Variants in PDE1A observed in about 807,000 individuals in gnomAD.
PDE1A encodes dual specificity calcium/calmodulin-dependent 3',5'-cyclic nucleotide phosphodiesterase 1A.
A neutral mutation model predicts 61.7 loss-of-function variants in PDE1A; 35 were observed. That is an observed-to-expected ratio of 0.57 (90% CI 0.43 to 0.75). PDE1A has a LOEUF of 0.75. Among genes scored for constraint, PDE1A ranks in the 30% least tolerant of loss-of-function variants. The pLI, the probability that PDE1A is intolerant of heterozygous loss-of-function variation, is 0.00. For synonymous variants in PDE1A, 232 were observed against 213.2 expected (o/e 1.09, Z -0.77); for missense variants, 597 against 630.6 (o/e 0.95, Z 0.57).
In PDE1A at chr2:182,454,450, C is replaced by T. The variant is rs544518857; in HGVS notation, c.101+67826G>A. Among the ~76,000 whole-genome samples the T allele has an allele frequency of 3.0e-3, 460 of 152,068 alleles. 2 individuals are homozygous for T. Among genetic ancestry groups the T allele is most frequent in the African/African-American group, 0.01 (429 of 41,512 alleles). On this transcript the variant is annotated intron_variant, in intron 2 of 14. Coordinates refer to the PDE1A transcript ENST00000410103. ...GTTCATATGGAACCAAAAAAGAGCC[C>T]GCATCGCCAAGTCAATCCTAAGCCA...
chr2:182,354,340 T>C (rs1156489589), intron 1 of PDE1A, among the ~76,000 whole-genome samples: 1 of 152,110 alleles, frequency 6.6e-6, no homozygotes, highest in African/African-American at 2.4e-5. Context: ...TCCGAAATAT[T>C]TGAAAGCGAG....
chr2:182,303,901 GTTTGTTTGTTTT>G (rs1279018229), intron 1 of PDE1A, among the ~76,000 whole-genome samples: 1 of 151,700 alleles, frequency 6.6e-6, no homozygotes, highest in Admixed American at 6.6e-5. Context: ...CTGTTTGTTT[GTTTGTTTGTTTT>G]TTTGTTGAGA....
chr2:182,347,854 A>T (rs904849634), intron 1 of PDE1A, among the ~76,000 whole-genome samples: 1 of 152,158 alleles, frequency 6.6e-6, no homozygotes, highest in East Asian at 1.9e-4. Context: ...TTCATGAAGG[A>T]GGAGCATAAA....
intron 1 of PDE1A, among the ~76,000 whole-genome samples, chr2:182,377,990 G>A (rs1489814301): frequency 6.6e-6 from 1 of 151,968 alleles, no homozygotes; most frequent in Non-Finnish European, 1.5e-5. Flanking sequence ...GGGACTATAG[G>A]TGCCCGCCAC....
chr2:182,389,080 G>T (rs1366408343), intron 1 of PDE1A, among the ~76,000 whole-genome samples: 9 of 152,068 alleles, frequency 5.9e-5, no homozygotes, highest in African/African-American at 9.7e-5. Context: ...ATAAACTTTA[G>T]TTCTCAAAAT....
chr2:182,565,487 C>G, the PDE1A span, among the ~76,000 whole-genome samples: 2 of 152,116 alleles, frequency 1.3e-5, no homozygotes, highest in Admixed American at 1.3e-4. Flanking sequence ...CCCAGTTAGG[C>G]TGCTCGGGGG....
At chr2:182,174,963 C>A (rs1574564552) in intron 13 of PDE1A, among the ~76,000 whole-genome samples, 1 of 152,180 alleles carries the variant, frequency 6.6e-6, no homozygotes, top group East Asian at 1.9e-4. Context: ...TCTCATTATT[C>A]AAGTCCCACT....
At chr2:182,569,694 T>C in the PDE1A span, among the ~76,000 whole-genome samples, 1 of 152,234 alleles carries the variant, frequency 6.6e-6, no homozygotes, top group African/African-American at 2.4e-5. Flanking sequence ...ATGGCTGCTC[T>C]GAAATAAAAC....
intron 1 of PDE1A, among the ~76,000 whole-genome samples, chr2:182,328,050 G>A (rs978754871): frequency 2.6e-5 from 4 of 152,154 alleles, no homozygotes; most frequent in Admixed American, 1.3e-4. Flanking sequence ...TGTTAGGGAG[G>A]TAGATGTGCG....
chr2:182,447,027 A>G (rs1685184708), intron 2 of PDE1A, among the ~76,000 whole-genome samples: 1 of 151,968 alleles, frequency 6.6e-6, no homozygotes, highest in Non-Finnish European at 1.5e-5. Context: ...TTTAATCTAT[A>G]CATTAAACTC....
chr2:182,302,675 T>C (rs2448980), intron 1 of PDE1A, among the ~76,000 whole-genome samples: 141,654 of 152,250 alleles, frequency 0.93, 66,460 homozygotes, highest in East Asian at 0.99. Context: ...TGACTGACTA[T>C]GTCTTTCATA....
chr2:182,447,748 A>G (rs1685240122), intron 2 of PDE1A, among the ~76,000 whole-genome samples: 1 of 152,092 alleles, frequency 6.6e-6, no homozygotes, highest in Admixed American at 6.6e-5. Context: ...TCTTATGTCC[A>G]TGACACATTT....
chr2:182,405,446 G>A (rs1283670046), intron 1 of PDE1A, among the ~76,000 whole-genome samples: 2 of 152,208 alleles, frequency 1.3e-5, no homozygotes, highest in Non-Finnish European at 2.9e-5. Flanking sequence ...AAGCGGTCCT[G>A]ACATAAACTT....
chr2:182,491,160 G>A (rs1250128196), intron 2 of PDE1A, among the ~76,000 whole-genome samples: 2 of 152,160 alleles, frequency 1.3e-5, no homozygotes, highest in African/African-American at 4.8e-5. Context: ...CAACAAATAG[G>A]GTGCACTTGC....
At chr2:182,255,907 A>C (rs1323193777) in intron 2 of PDE1A, among the ~76,000 whole-genome samples, 1 of 151,202 alleles carries the variant, frequency 6.6e-6, no homozygotes, top group African/African-American at 2.4e-5. Context: ...CTGCTGACCT[A>C]ATGATCCACC....
intron 6 of PDE1A, among the ~76,000 whole-genome samples, chr2:182,224,802 T>C (rs1261136935): frequency 6.6e-6 from 1 of 151,898 alleles, no homozygotes; most frequent in Non-Finnish European, 1.5e-5. Context: ...CCACATTACA[T>C]ATGCCCATTG....
At chr2:182,270,794 C>G (rs1692962263) in intron 1 of PDE1A, among the ~76,000 whole-genome samples, 1 of 151,504 alleles carries the variant, frequency 6.6e-6, no homozygotes, top group African/African-American at 2.4e-5. Flanking sequence ...TAGAAACTAT[C>G]AGAACAAGAA....
At chr2:182,658,211 A>C in the PDE1A span, among the ~76,000 whole-genome samples, 1 of 152,220 alleles carries the variant, frequency 6.6e-6, no homozygotes, top group South Asian at 2.1e-4. Context: ...AAGTCAAAGA[A>C]TCAGCAAGGC....
At chr2:182,481,394 G>A (rs1005573473) in intron 2 of PDE1A, among the ~76,000 whole-genome samples, 3 of 151,860 alleles carry the variant, frequency 2.0e-5, no homozygotes, top group Admixed American at 6.6e-5. Context: ...GAGCTCACTA[G>A]CATACTGATG....
Sources: gnomAD v4.1 joint callset for allele counts (sites outside exome capture counted in the v4.1 genomes callset) on GRCh38, gnomAD v4.1.1 for gene constraint, MANE v1.5 for transcripts, NCBI Gene and HGNC (gene_info 2026-07-23, HGNC 2026-07-21) for gene names.